TNRC6B: variants seen among roughly 807,000 people sequenced by gnomAD.
TNRC6B encodes trinucleotide repeat-containing gene 6B protein.
TNRC6B carries 52 observed loss-of-function variants against 203.6 expected under a neutral mutation model. The ratio of observed to expected loss-of-function variants is 0.26; its 90% CI spans 0.20 to 0.32. The LOEUF (loss-of-function observed/expected upper bound fraction) is 0.32, where lower values mean the gene tolerates loss of function less well. Ranked by LOEUF, TNRC6B falls within the 10% of genes least tolerant of loss-of-function variation. The pLI is 1.00. For synonymous variants in TNRC6B, 838 were observed against 845.7 expected, an observed-to-expected ratio of 0.99 and a Z score of 0.16; for missense variants, 1,923 against 2,286.2, an observed-to-expected ratio of 0.84 and a Z score of 3.24.
intron 1 of TNRC6B, among the ~76,000 whole-genome samples, chr22:40,065,234 A>G (rs933912359): frequency 2.0e-5 from 3 of 151,482 alleles, no homozygotes; most frequent in Admixed American, 6.6e-5. Flanking sequence ...GTAACCTTGA[A>G]CTCCTAGGCT....
Position 40,315,504 on chromosome 22 carries a change from T to C in TNRC6B, c.4900T>C (p.Ser1634Pro), listed in dbSNP as rs771765213. 2 of 1,613,854 alleles carry C rather than the reference T, an allele frequency of 1.2e-6. No individual in the cohort carries two copies. Among genetic ancestry groups the C allele is most frequent in the South Asian group, 2.2e-5 (2 of 91,056 alleles). Reference protein sequence around the residue: ...GWGTQDSRLASASTWSDGGSV... With the variant: ...GWGTQDSRLAPASTWSDGGSV... ...GGGGACACAGGACTCACGGCTCGCC[T>C]CGGGTGAGGAGGATCTGCCTAAAGG... Residue 1634 changes from serine to proline, a missense_variant, in exon 20 of 23, where the codon TCG (serine) becomes CCG (proline). Around this residue, in one of 8 missense-constraint regions of TNRC6B, gnomAD observed 159 missense variants for 181.0 expected, o/e 0.88. Coordinates refer to ENST00000454349, the MANE Select transcript of TNRC6B (RefSeq NM_001162501.2).
chr22:40,186,300 G>A (rs1196185195), intron 1 of TNRC6B, among the ~76,000 whole-genome samples: 1 of 152,142 alleles, frequency 6.6e-6, no homozygotes, highest in Non-Finnish European at 1.5e-5. Flanking sequence ...AGGAAGAAAA[G>A]TATTTGGTTA....
At chr22:40,102,342 T>G (rs1432393627) in intron 1 of TNRC6B, among the ~76,000 whole-genome samples, 2 of 152,100 alleles carry the variant, frequency 1.3e-5, no homozygotes, top group African/African-American at 4.8e-5. Flanking sequence ...ATCAGGATCA[T>G]TATTTGTTGT....
At chr22:40,308,482 A>T in intron 15 of TNRC6B, 30 bp from the exon 16 acceptor site, 1 of 1,613,618 alleles carries the variant, frequency 6.2e-7, no homozygotes, top group Non-Finnish European at 8.5e-7. Context: ...GATGCTGGAG[A>T]CTTATAAAAT....
At chr22:40,098,249 G>A (rs1180188637) in intron 1 of TNRC6B, among the ~76,000 whole-genome samples, 1 of 151,860 alleles carries the variant, frequency 6.6e-6, no homozygotes. Flanking sequence ...AGCCGGGTGC[G>A]GTGGCGGGTG....
At position 40,281,266 on chromosome 22, in the gene TNRC6B, C is replaced by T; in HGVS notation, c.3559C>T (p.Pro1187Ser). Residue 1187 changes from proline to serine, a missense_variant, in exon 11 of 23, where the codon CCC becomes TCC. Around this residue, in one of 8 missense-constraint regions of TNRC6B, gnomAD observed 599 missense variants for 656.5 expected, o/e 0.91. Coordinates refer to ENST00000454349, the MANE Select transcript of TNRC6B (RefSeq NM_001162501.2). ...SLGAIGTGLNPQNFAARQGGS... is the reference protein window; with the variant it reads ...SLGAIGTGLNSQNFAARQGGS... ...TGGAGCAATCGGCACAGGGCTCAAC[C>T]CCCAAAACTTCGCTGCTAGACAAGT... is the stretch of plus-strand genomic sequence containing the variant. 5.2e-6 allele frequency: 8 copies of T among 1,546,388 alleles called. No individual in the cohort carries two copies. The highest frequency in any genetic ancestry group is 7.0e-6 in the Non-Finnish European group (8 of 1,144,738).
chr22:40,189,163 G>A (rs910990526), intron 1 of TNRC6B, among the ~76,000 whole-genome samples: 4 of 152,192 alleles, frequency 2.6e-5, no homozygotes, highest in African/African-American at 9.6e-5. Flanking sequence ...TGTCTTCCCC[G>A]TCCAGGGTAT....
intron 3 of TNRC6B, among the ~76,000 whole-genome samples, chr22:40,132,969 A>ATATATATATATATATATATATATATAT (rs1555884686): frequency 1.3e-5 from 1 of 78,174 alleles, no homozygotes; most frequent in Non-Finnish European, 2.6e-5. Context: ...AAAAAAAAAA[A>ATATATATATATATATATATATATATAT]ATATATATAT....
At chr22:40,120,335 C>CA (rs11429406) in intron 2 of TNRC6B, among the ~76,000 whole-genome samples, 49,347 of 118,130 alleles carry the variant, frequency 0.42, 12,762 homozygotes, top group African/African-American at 0.76. Flanking sequence ...GACCCTGTCT[C>CA]AAAAAAAAAA....
chr22:40,070,798 A>G (rs1033287756), intron 1 of TNRC6B, among the ~76,000 whole-genome samples: 3 of 152,080 alleles, frequency 2.0e-5, no homozygotes, highest in Non-Finnish European at 4.4e-5. Flanking sequence ...TTGAAAACTA[A>G]TAAGATGCAC....
At chr22:40,087,813 G>A (rs960062511) in intron 1 of TNRC6B, among the ~76,000 whole-genome samples, 4 of 152,080 alleles carry the variant, frequency 2.6e-5, no homozygotes, top group African/African-American at 9.7e-5. Context: ...TAGGAGAGGA[G>A]CTGGAGATGT....
intron 1 of TNRC6B, among the ~76,000 whole-genome samples, chr22:40,063,894 G>T (rs2067874351): frequency 6.6e-6 from 1 of 151,876 alleles, no homozygotes; most frequent in Non-Finnish European, 1.5e-5. Flanking sequence ...GTAGAGACAG[G>T]GTTTTGCTAT....
At chr22:40,106,350 T>C (rs775200398) in intron 1 of TNRC6B, 24 of 1,194,846 alleles carry the variant, frequency 2.0e-5, no homozygotes, top group African/African-American at 3.1e-5. Flanking sequence ...CCTGTTGATC[T>C]GGTCCTTCTT....
intron 1 of TNRC6B, among the ~76,000 whole-genome samples, chr22:40,218,634 A>G (rs1437338554): frequency 6.6e-6 from 1 of 152,108 alleles, no homozygotes; most frequent in African/African-American, 2.4e-5. Context: ...GGCTGAGGCA[A>G]AAGACTCAAG....
intron 11 of TNRC6B, among the ~76,000 whole-genome samples, chr22:40,284,542 T>C (rs771007005): frequency 6.6e-6 from 1 of 152,218 alleles, no homozygotes. Flanking sequence ...GGGTCATGGA[T>C]ATTTACAGAT....
At chr22:40,153,630 TTTAA>T (rs1329033336) in intron 3 of TNRC6B, among the ~76,000 whole-genome samples, 1 of 151,314 alleles carries the variant, frequency 6.6e-6, no homozygotes, top group Non-Finnish European at 1.5e-5. Flanking sequence ...AGAAAGGAAA[TTTAA>T]TTATAGCATT....
intron 4 of TNRC6B, among the ~76,000 whole-genome samples, chr22:40,159,646 T>G (rs1029087260): frequency 7.4e-6 from 1 of 135,594 alleles, no homozygotes; most frequent in African/African-American, 3.0e-5. Flanking sequence ...CTTAAAACAT[T>G]AAAAAAAAAA....
At chr22:40,318,280 G>T (rs2071285972) in intron 21 of TNRC6B, among the ~76,000 whole-genome samples, 1 of 152,162 alleles carries the variant, frequency 6.6e-6, no homozygotes, top group Non-Finnish European at 1.5e-5. Context: ...GGGCACGGTG[G>T]CTCACACCTG....
At chr22:40,065,410 C>T (rs2067887052) in intron 1 of TNRC6B, among the ~76,000 whole-genome samples, 1 of 152,086 alleles carries the variant, frequency 6.6e-6, no homozygotes, top group Admixed American at 6.6e-5. Flanking sequence ...CCTCCCAAAT[C>T]GTTACAACTA....
Sources: gnomAD v4.1 joint callset for allele counts (sites outside exome capture counted in the v4.1 genomes callset) on GRCh38, gnomAD v4.1.1 for gene constraint, gnomAD v4.1.1 regional missense constraint, MANE v1.5 for transcripts, NCBI Gene and HGNC (gene_info 2026-07-23, HGNC 2026-07-21) for gene names.